TAFA2: variants seen among roughly 807,000 people sequenced by gnomAD.
TAFA2 encodes TAFA chemokine like family member 2.
Under a neutral mutation model 18.8 loss-of-function variants are expected in TAFA2, and 7 were observed. That is an observed-to-expected ratio of 0.37 (90% CI 0.21 to 0.70). The LOEUF is 0.70. TAFA2 is among the 30% of genes least tolerant of loss of function. TAFA2 has a pLI of 0.53. For missense variants in TAFA2, 122 were observed against 158.1 expected (o/e 0.77, Z 1.23); for synonymous variants, 60 against 54.2 (o/e 1.11, Z -0.47).
chr12:61,825,600 G>T (rs1320172760), intron 2 of TAFA2, among the ~76,000 whole-genome samples: 1 of 151,988 alleles, frequency 6.6e-6, no homozygotes, highest in Non-Finnish European at 1.5e-5. Context: ...TAGAAAAAAT[G>T]GAGTCAAACG....
intron 1 of TAFA2, among the ~76,000 whole-genome samples, chr12:62,211,621 G>C (rs1457226283): frequency 1.3e-5 from 2 of 151,636 alleles, no homozygotes; most frequent in African/African-American, 2.4e-5. Context: ...TAGAACTCTG[G>C]GTATGATAAG....
chr12:61,774,832 AT>A (rs1870186904), intron 2 of TAFA2, among the ~76,000 whole-genome samples: 1 of 151,886 alleles, frequency 6.6e-6, no homozygotes, highest in African/African-American at 2.4e-5. Flanking sequence ...AATTAAAAAA[AT>A]AAATTAAAAT....
At position 61,893,656 on chromosome 12, in the gene TAFA2, T is replaced by C. The variant is rs74098452; in HGVS notation, c.-1-26230A>G. ...AACATAGTGAATATGAGTCTGTTGG[T>C]TTCAAATTTAATAAACAACTCCAAA... On this transcript the variant is annotated intron_variant, in intron 1 of 4. Transcript: ENST00000416284. Among the ~76,000 whole-genome samples the C allele has an allele frequency of 7.8e-3, 1,183 of 152,286 alleles. 12 individuals are homozygous for C. Among genetic ancestry groups the C allele is most frequent in the African/African-American group, 0.027 (1,142 of 41,552 alleles).
At chr12:61,884,842 ATAAT>A (rs1555173002) in intron 1 of TAFA2, among the ~76,000 whole-genome samples, 3 of 152,184 alleles carry the variant, frequency 2.0e-5, no homozygotes, top group Non-Finnish European at 4.4e-5. Flanking sequence ...AAGCTAAAAG[ATAAT>A]TAATATCTAA....
At chr12:61,888,171 G>A (rs1875473398) in intron 1 of TAFA2, among the ~76,000 whole-genome samples, 1 of 152,084 alleles carries the variant, frequency 6.6e-6, no homozygotes, top group African/African-American at 2.4e-5. Flanking sequence ...AGTCAATGTG[G>A]CGATTCCTCA....
intron 1 of TAFA2, among the ~76,000 whole-genome samples, chr12:62,133,209 A>G (rs1257866799): frequency 6.6e-6 from 1 of 151,928 alleles, no homozygotes; most frequent in Non-Finnish European, 1.5e-5. Flanking sequence ...TGTTGGTATA[A>G]CTCCCTGTTG....
chr12:61,732,029 T>G (rs1011307718), intron 4 of TAFA2, among the ~76,000 whole-genome samples: 1 of 152,054 alleles, frequency 6.6e-6, no homozygotes, highest in East Asian at 1.9e-4. Flanking sequence ...TTTAATGTAT[T>G]TTAGGCCCTG....
chr12:62,192,749 T>C lies in TAFA2; in HGVS notation c.-1492A>G, dbSNP rs2062632435. 1 of 152,194 alleles carries C rather than the reference T, an allele frequency of 6.6e-6. No homozygotes were observed. The highest frequency in any genetic ancestry group is 1.5e-5 in the Non-Finnish European group (1 of 68,064). The allele number at this position is 152,194 out of a possible 1,614,324, so 9.4% of individuals were successfully genotyped here. Reference sequence around the variant, plus strand: ...CTCGCCTCTCTCTCCCAACAGCCAGTTCTGTTAGCCCCAGCAACTGCCGTT... The same window carrying C: ...CTCGCCTCTCTCTCCCAACAGCCAGCTCTGTTAGCCCCAGCAACTGCCGTT... On this transcript the variant is annotated 5_prime_UTR_variant, in exon 1 of 5. Coordinates refer to ENST00000416284, the MANE Select transcript of TAFA2 (RefSeq NM_178539.5).
chr12:61,997,457 A>AG (rs79901243), intron 1 of TAFA2, among the ~76,000 whole-genome samples: 14,692 of 152,188 alleles, frequency 0.097, 849 homozygotes, highest in Middle Eastern at 0.18. Context: ...TCAAATGAGC[A>AG]GGGGCAACAG....
intron 1 of TAFA2, among the ~76,000 whole-genome samples, chr12:62,120,596 A>G (rs1047965782): frequency 3.9e-5 from 6 of 152,296 alleles, no homozygotes; most frequent in African/African-American, 1.2e-4. Context: ...TGTGGTATGT[A>G]CAGTCAAACA....
intron 1 of TAFA2, among the ~76,000 whole-genome samples, chr12:62,188,481 T>C (rs1327143385): frequency 1.3e-5 from 2 of 152,216 alleles, no homozygotes; most frequent in African/African-American, 4.8e-5. Flanking sequence ...AGTTCGTCAG[T>C]AAATGTTCAT....
At chr12:62,037,549 G>C (rs1881641758) in intron 1 of TAFA2, among the ~76,000 whole-genome samples, 1 of 152,122 alleles carries the variant, frequency 6.6e-6, no homozygotes, top group Non-Finnish European at 1.5e-5. Context: ...CCTGAACTTT[G>C]GTAGGCATCA....
At chr12:61,859,143 C>T (rs2121188112) in intron 2 of TAFA2, among the ~76,000 whole-genome samples, 1 of 152,316 alleles carries the variant, frequency 6.6e-6, no homozygotes, top group South Asian at 2.1e-4. Flanking sequence ...AGGAAGGCCT[C>T]AGGAAACTTA....
chr12:62,089,670 A>G (rs1868625947), intron 1 of TAFA2, among the ~76,000 whole-genome samples: 1 of 152,082 alleles, frequency 6.6e-6, no homozygotes, highest in Admixed American at 6.6e-5. Context: ...AACCTGCCCC[A>G]ATATTTTAAA....
At chr12:62,073,149 A>G (rs773987452) in intron 1 of TAFA2, among the ~76,000 whole-genome samples, 37 of 152,184 alleles carry the variant, frequency 2.4e-4, no homozygotes, top group Non-Finnish European at 5.9e-5. Flanking sequence ...CAGGCAATAC[A>G]GATCAGGGGA....
chr12:62,204,612 G>T (rs1302314697), intron 1 of TAFA2, among the ~76,000 whole-genome samples: 1 of 151,906 alleles, frequency 6.6e-6, no homozygotes, highest in Non-Finnish European at 1.5e-5. Context: ...CGTCTGCTTG[G>T]TCTAGTTGGC....
chr12:62,096,772 G>C (rs928971484), intron 1 of TAFA2, among the ~76,000 whole-genome samples: 1 of 152,080 alleles, frequency 6.6e-6, no homozygotes, highest in Non-Finnish European at 1.5e-5. Flanking sequence ...TGTCACTCTC[G>C]TGCAGTTTGC....
intron 2 of TAFA2, among the ~76,000 whole-genome samples, chr12:61,802,443 T>G (rs181131567): frequency 2.8e-4 from 42 of 152,132 alleles, no homozygotes; most frequent in African/African-American, 9.6e-4. Context: ...AGAAAGAAAT[T>G]CTGTCATTCA....
At chr12:61,847,460 T>C (rs1200060640) in intron 2 of TAFA2, among the ~76,000 whole-genome samples, 1 of 152,200 alleles carries the variant, frequency 6.6e-6, no homozygotes, top group East Asian at 1.9e-4. Flanking sequence ...AAGAATTTTA[T>C]ATTACTTCTG....
Sources: allele counts gnomAD v4.1 joint callset (sites outside exome capture counted in the v4.1 genomes callset), GRCh38; gene constraint gnomAD v4.1.1; transcripts MANE v1.5; gene names NCBI Gene and HGNC (gene_info 2026-07-23, HGNC 2026-07-21).